The following EML6 variants were observed in gnomAD, a reference collection of about 807,000 sequenced individuals.
EML6 encodes the protein EMAP like 6, also known as echinoderm microtubule-associated protein-like 6.
A neutral mutation model predicts 240.1 loss-of-function variants in EML6; 154 were observed. The observed-to-expected ratio is 0.64, with a 90% confidence interval of 0.56 to 0.73. The LOEUF is 0.73. Among genes scored for constraint, EML6 ranks in the 30% least tolerant of loss-of-function variants. The pLI, the probability that EML6 is intolerant of heterozygous loss-of-function variation, is 0.00. For missense variants in EML6, 2,964 were observed against 2,474.6 expected, an observed-to-expected ratio of 1.20 and a Z score of -4.20; for synonymous variants, 1,148 against 899.0, an observed-to-expected ratio of 1.28 and a Z score of -4.95.
At chr2:54,796,895 T>G (rs1669812878) in intron 2 of EML6, among the ~76,000 whole-genome samples, 1 of 151,948 alleles carries the variant, frequency 6.6e-6, no homozygotes, top group Non-Finnish European at 1.5e-5. Flanking sequence ...GCGGGGATCC[T>G]TTAAAAAGGT....
chr2:54,773,803 C>T (rs190032126), intron 2 of EML6, among the ~76,000 whole-genome samples: 85 of 152,320 alleles, frequency 5.6e-4, no homozygotes, highest in Admixed American at 2.8e-3. Context: ...ATGAAATTAG[C>T]GCTTCTCCTA....
chr2:54,949,942 C>A (rs905288120), intron 29 of EML6, among the ~76,000 whole-genome samples: 10 of 152,204 alleles, frequency 6.6e-5, no homozygotes, highest in Non-Finnish European at 5.9e-5. Context: ...TCTGTAGAGT[C>A]TTTCCTGATG....
intron 2 of EML6, among the ~76,000 whole-genome samples, chr2:54,788,047 G>A (rs1309293495): frequency 6.6e-6 from 1 of 152,164 alleles, no homozygotes; most frequent in Non-Finnish European, 1.5e-5. Context: ...CAACATCAGA[G>A]TCAGGTAAAT....
At chr2:54,737,360 G>A (rs1482002591) in intron 2 of EML6, among the ~76,000 whole-genome samples, 2 of 152,132 alleles carry the variant, frequency 1.3e-5, no homozygotes, top group Middle Eastern at 3.4e-3. Flanking sequence ...GTGCAGTGGC[G>A]CGATCTCGGC....
At chr2:54,874,059 C>G (rs188840909) in intron 16 of EML6, among the ~76,000 whole-genome samples, 79 of 152,276 alleles carry the variant, frequency 5.2e-4, no homozygotes, top group African/African-American at 1.8e-3. Flanking sequence ...GTTATTTCCT[C>G]TATAGAGTTG....
At chr2:54,906,931 G>A (rs552573542) in intron 24 of EML6, among the ~76,000 whole-genome samples, 93 of 152,268 alleles carry the variant, frequency 6.1e-4, no homozygotes, top group African/African-American at 2.0e-3. Context: ...TGATCCTGTC[G>A]AAAATAGTGA....
intron 17 of EML6, among the ~76,000 whole-genome samples, chr2:54,888,790 C>G (rs1423834046): frequency 6.6e-6 from 1 of 152,142 alleles, no homozygotes; most frequent in Non-Finnish European, 1.5e-5. Flanking sequence ...ATGTTGCTGC[C>G]ACATTTTGAC....
chr2:54,927,986 C>CTG (rs1674646878), intron 26 of EML6, among the ~76,000 whole-genome samples: 2 of 152,214 alleles, frequency 1.3e-5, no homozygotes, highest in Non-Finnish European at 2.9e-5. Context: ...GGAGTTTACA[C>CTG]TAGAGACCTG....
In EML6 at chr2:54,752,145, C is replaced by G. The variant is rs895232802; in HGVS notation, c.197+26887C>G. ...TGCTCTACTTAGGTTTGTTGGGAAC[C>G]TCACAGAATCTCAGTTCTGCTGTTT... is the stretch of plus-strand genomic sequence containing the variant. On this transcript the variant is annotated intron_variant, in intron 2 of 41. Transcript: ENST00000356458. Among the ~76,000 whole-genome samples the G allele has an allele frequency of 3.9e-5, 6 of 152,122 alleles. No homozygotes were observed. The East Asian group carries it at 7.7e-4, about 20-fold the overall frequency.
intron 2 of EML6, among the ~76,000 whole-genome samples, chr2:54,780,037 C>T (rs1668783227): frequency 6.6e-6 from 1 of 151,952 alleles, no homozygotes; most frequent in Admixed American, 6.6e-5. Flanking sequence ...CTCCCACTCC[C>T]ACCTCCTAAT....
chr2:54,770,101 T>C (rs1668345089), intron 2 of EML6, among the ~76,000 whole-genome samples: 1 of 152,220 alleles, frequency 6.6e-6, no homozygotes, highest in Non-Finnish European at 1.5e-5. Context: ...TATACTCAAA[T>C]ATTTGTCCTG....
intron 2 of EML6, among the ~76,000 whole-genome samples, chr2:54,792,063 G>T (rs890359462): frequency 1.3e-5 from 2 of 152,136 alleles, no homozygotes; most frequent in Non-Finnish European, 2.9e-5. Flanking sequence ...AAGTCATCTG[G>T]TTTTCTTCAG....
rs539620706 is a variant in EML6, at chr2:54,800,456, C to T, written c.198-12776C>T. On this transcript the variant is annotated intron_variant, in intron 2 of 41. Transcript: ENST00000356458. The stretch of plus-strand genomic sequence containing the variant: ...ATATATATTTTGGGGTACCTATTTT[C>T]AATATAAGGACTCTTAAGCATCAAA... Among the ~76,000 whole-genome samples the T allele has an allele frequency of 3.3e-4, 50 of 152,194 alleles. No individual in the cohort carries two copies. In the Middle Eastern group the frequency reaches 0.017, roughly 52 times the overall value.
chr2:54,835,756 G>A (rs764483391), intron 7 of EML6, among the ~76,000 whole-genome samples: 6 of 152,024 alleles, frequency 3.9e-5, no homozygotes, highest in Admixed American at 6.5e-5. Context: ...TTTGATTGTC[G>A]CAACTGCAGA....
intron 10 of EML6, among the ~76,000 whole-genome samples, chr2:54,851,321 C>T (rs1670074991): frequency 6.6e-6 from 1 of 152,064 alleles, no homozygotes; most frequent in Non-Finnish European, 1.5e-5. Flanking sequence ...GCTAAGGCGG[C>T]AGAATTGCTT....
intron 2 of EML6, among the ~76,000 whole-genome samples, chr2:54,745,315 G>A (rs1683864767): frequency 6.6e-6 from 1 of 152,194 alleles, no homozygotes; most frequent in Non-Finnish European, 1.5e-5. Context: ...TGATCTTCAG[G>A]AAGGTGGTTG....
rs111849247 is a variant in EML6, at chr2:54,802,657, C to G, written c.198-10575C>G. 2.6e-3 allele frequency among the ~76,000 whole-genome samples: 394 copies of G among 148,756 alleles called. 1 individual carries two copies. Among genetic ancestry groups the G allele is most frequent in the African/African-American group, 9.4e-3 (373 of 39,614 alleles). On this transcript the variant is annotated intron_variant, in intron 2 of 41. Transcript: ENST00000356458. ...ACTACTACTACTACTACTACTACTA[C>G]TACTACTACTGCTACTACTACTACT...
At chr2:54,841,736 G>A (rs1669468658) in intron 7 of EML6, among the ~76,000 whole-genome samples, 1 of 151,912 alleles carries the variant, frequency 6.6e-6, no homozygotes, top group Admixed American at 6.6e-5. Flanking sequence ...GGGAATACAG[G>A]TGCGTGCTAC....
intron 7 of EML6, among the ~76,000 whole-genome samples, chr2:54,836,359 C>T (rs540780424): frequency 9.2e-5 from 14 of 152,330 alleles, no homozygotes; most frequent in African/African-American, 3.4e-4. Flanking sequence ...CTTTGTGTAT[C>T]TTTCACAGTT....
Sources: allele counts gnomAD v4.1 joint callset (sites outside exome capture counted in the v4.1 genomes callset), GRCh38; gene constraint gnomAD v4.1.1; transcripts MANE v1.5; gene names NCBI Gene and HGNC (gene_info 2026-07-23, HGNC 2026-07-21).